Variants in IP6K3 observed in about 807,000 individuals in gnomAD.
IP6K3 encodes the protein ATP:1D-myo-inositol-hexakisphosphate phosphotransferase.
In IP6K3, 20 loss-of-function variants were observed where a neutral mutation model predicts 28.8. The observed-to-expected ratio is 0.70, with a 90% CI of 0.49 to 1.01. The LOEUF (loss-of-function observed/expected upper bound fraction) is 1.01. IP6K3 is among the 50% of genes least tolerant of loss of function. The pLI, the probability that IP6K3 is intolerant of heterozygous loss-of-function variation, is 0.00. For synonymous variants in IP6K3, 213 were observed against 221.3 expected (o/e 0.96, Z 0.33); for missense variants, 480 against 537.1 (o/e 0.89, Z 1.05).
rs748604607 is a variant in IP6K3, at chr6:33,726,924, A to G, written c.414-18T>C. On this transcript the variant is annotated intron_variant, in intron 3 of 5. Coordinates refer to ENST00000293756, the MANE Select transcript of IP6K3 (RefSeq NM_054111.5). ...TGGCCGGGCTGCGGCGGAGTGGAGC[A>G]CAGGACGGTCAGAGCAGAGGTCTGG... The G allele has an allele frequency of 1.9e-6, 3 of 1,584,836 alleles. No homozygotes were observed. Among genetic ancestry groups the G allele is most frequent in the Admixed American group, 1.7e-5 (1 of 58,962 alleles).
chr6:33,729,866 A>T (rs2127353656), intron 2 of IP6K3, among the ~76,000 whole-genome samples: 1 of 152,064 alleles, frequency 6.6e-6, no homozygotes, highest in Admixed American at 6.5e-5. Context: ...GGTGCCCGCC[A>T]CTGCACCCGG....
At chr6:33,725,743 C>T (rs946725246) in intron 4 of IP6K3, 127 bp from the exon 5 acceptor site, 2 of 717,516 alleles carry the variant, frequency 2.8e-6, no homozygotes, top group African/African-American at 3.5e-5. Flanking sequence ...CTCCCATTGC[C>T]TTCCTTACAG....
intron 2 of IP6K3, among the ~76,000 whole-genome samples, chr6:33,730,996 A>G (rs1224534667): frequency 6.6e-6 from 1 of 152,114 alleles, no homozygotes; most frequent in Non-Finnish European, 1.5e-5. Context: ...CCAGGCTGCA[A>G]GGAGATGGTG....
At chr6:33,751,512 GTGTGTGTT>G (rs1554146742), upstream of IP6K3, among the ~76,000 whole-genome samples, 2,351 of 111,578 alleles carry the variant, frequency 0.021, 17 homozygotes, top group Non-Finnish European at 0.034. The surrounding 1 kb of genome is among the most constrained non-coding windows in gnomAD (Gnocchi z 4.3). Flanking sequence ...GTGTGTGTGT[GTGTGTGTT>G]TGGCCCCGGG....
At chr6:33,741,432 A>G (rs1766714265) in intron 1 of IP6K3, among the ~76,000 whole-genome samples, 1 of 152,060 alleles carries the variant, frequency 6.6e-6, no homozygotes, top group African/African-American at 2.4e-5. Flanking sequence ...ACTTGAAGCC[A>G]GGAGTTCGAG....
chr6:33,734,611 G>C (rs1220272505), intron 2 of IP6K3, among the ~76,000 whole-genome samples: 1 of 152,182 alleles, frequency 6.6e-6, no homozygotes, highest in African/African-American at 2.4e-5. Context: ...AGAAGGCTGG[G>C]TGTGGACAAA....
intron 1 of IP6K3, chr6:33,739,398 A>G (rs902909763): frequency 3.9e-5 from 6 of 151,944 alleles, no homozygotes; most frequent in Admixed American, 3.9e-4. Context: ...TGCAATTCTG[A>G]CACAGGTTGG....
chr6:33,758,922 A>G, the IP6K3 span, among the ~76,000 whole-genome samples: 1 of 152,178 alleles, frequency 6.6e-6, no homozygotes, highest in African/African-American at 2.4e-5. Context: ...ATTAAAGGAA[A>G]TATAATCCTA....
At position 33,735,297 on chromosome 6, in the gene IP6K3, C is replaced by A. The variant is rs754609215; in HGVS notation, c.180G>T (p.Arg60=). 10 of 1,612,258 alleles carry A rather than the reference C, an allele frequency of 6.2e-6. No homozygotes were observed. The highest frequency in any genetic ancestry group is 6.8e-6 in the Non-Finnish European group (8 of 1,179,578). Residue 60 remains arginine, a synonymous_variant, in exon 2 of 6, where the codon CGG becomes CGT. Transcript: ENST00000293756. ...ACTCACCTTTGTACTGTGGGGTGAA[C>A]CGCTTCATGGCCAGCGGCAGGGATT... The part of the protein sequence containing the change: ...FYESLPLAMK[R]FTPQYKGTVT...
At chr6:33,729,804 C>T (rs1766253913) in intron 2 of IP6K3, among the ~76,000 whole-genome samples, 1 of 152,044 alleles carries the variant, frequency 6.6e-6, no homozygotes, top group African/African-American at 2.4e-5. Flanking sequence ...ACCTCCGCCT[C>T]CCGGGTTCAA....
chr6:33,725,335 G>A, intron 5 of IP6K3, 106 bp downstream of exon 5: 3 of 1,188,870 alleles, frequency 2.5e-6, no homozygotes, highest in Non-Finnish European at 3.4e-6. Context: ...CTCCTCCAGA[G>A]TGAAGGGCTC....
At chr6:33,736,615 A>G (rs1051643244) in intron 1 of IP6K3, among the ~76,000 whole-genome samples, 21 of 151,964 alleles carry the variant, frequency 1.4e-4, no homozygotes, top group Non-Finnish European at 2.6e-4. Flanking sequence ...CATGTTGGCC[A>G]GGCTGGTCTC....
intron 1 of IP6K3, among the ~76,000 whole-genome samples, chr6:33,737,730 C>T (rs908996311): frequency 2.6e-5 from 4 of 152,136 alleles, no homozygotes; most frequent in East Asian, 1.9e-4. Flanking sequence ...ACGTAGGATG[C>T]GGGGTGAGCC....
In IP6K3 at chr6:33,740,707, C is replaced by T. The variant is rs143872956; in HGVS notation, c.-179-5052G>A. Among the ~76,000 whole-genome samples, 159 of 152,338 alleles carry T rather than the reference C, an allele frequency of 1.0e-3. 1 individual carries two copies. The highest frequency in any genetic ancestry group is 3.6e-3 in the African/African-American group (149 of 41,574). On this transcript the variant is annotated intron_variant, in intron 1 of 5. Coordinates refer to ENST00000293756, the MANE Select transcript of IP6K3 (RefSeq NM_054111.5). ...GGCATCATAACTTGTCACAACCCGT[C>T]GGCACATTTTTATTTCCGGAGAGTC...
At chr6:33,757,673 G>A in the IP6K3 span, among the ~76,000 whole-genome samples, 11 of 152,152 alleles carry the variant, frequency 7.2e-5, no homozygotes, top group Admixed American at 5.9e-4. Flanking sequence ...AATCCCCACC[G>A]TGAACTAAGT....
chr6:33,733,941 G>A (rs113476644), intron 2 of IP6K3, among the ~76,000 whole-genome samples: 7 of 152,286 alleles, frequency 4.6e-5, no homozygotes, highest in African/African-American at 1.4e-4. Context: ...AGTGGCTCAC[G>A]CCTGTAATCC....
chr6:33,761,270 A>G, the IP6K3 span, among the ~76,000 whole-genome samples: 2 of 151,788 alleles, frequency 1.3e-5, no homozygotes, highest in African/African-American at 4.8e-5. Flanking sequence ...AAAGTAGCCC[A>G]CCTGCCAGGG....
In IP6K3 at chr6:33,726,743, T is replaced by G. The variant is rs1314852994; in HGVS notation, c.577A>C (p.Asn193His). Residue 193 changes from asparagine (N) to histidine (H), a missense_variant, in exon 4 of 6, where the codon AAC (asparagine) becomes CAC (histidine). Coordinates refer to ENST00000293756, the MANE Select transcript of IP6K3 (RefSeq NM_054111.5). ...ATGGCAAGGATACGATGCCGCTTGT[T>G]CTCTGGGTACTCGGAGCACAGGCGG... is the stretch of plus-strand genomic sequence containing the variant. ...LTRLCSEYPENKRHRFLLLEN... is the reference protein window; with the variant it reads ...LTRLCSEYPEHKRHRFLLLEN... 6.3e-7 allele frequency: 1 copy of G among 1,595,366 alleles called. No homozygotes were observed. Among genetic ancestry groups the G allele is most frequent in the East Asian group, 2.3e-5 (1 of 44,360 alleles).
chr6:33,728,396 G>A, intron 2 of IP6K3, 96 bp from the exon 3 acceptor site: 1 of 1,123,934 alleles, frequency 8.9e-7, no homozygotes, highest in Non-Finnish European at 1.3e-6. Context: ...TTAGCTTAAT[G>A]GCCCTGGTCC....
Sources: allele counts gnomAD v4.1 joint callset (sites outside exome capture counted in the v4.1 genomes callset), GRCh38; gene constraint gnomAD v4.1.1; non-coding constraint Gnocchi (gnomAD v3.1); transcripts MANE v1.5; gene names NCBI Gene and HGNC (gene_info 2026-07-23, HGNC 2026-07-21).